Variants in FUT8 observed in about 807,000 individuals in gnomAD.
FUT8 encodes the protein alpha-(1,6)-fucosyltransferase.
FUT8 carries 29 observed loss-of-function variants against 71.3 expected under a neutral mutation model. That is an observed-to-expected ratio of 0.41 (90% confidence interval 0.30 to 0.55). The LOEUF (loss-of-function observed/expected upper bound fraction) is 0.55. Among genes scored for constraint, FUT8 ranks in the 20% least tolerant of loss-of-function variants. The pLI is 0.34. For missense variants in FUT8, 544 were observed against 702.1 expected (o/e 0.77, Z 2.55); for synonymous variants, 254 against 239.3 (o/e 1.06, Z -0.57).
chr14:65,383,894 A>G, the FUT8 span, among the ~76,000 whole-genome samples: 3 of 151,244 alleles, frequency 2.0e-5, no homozygotes, highest in Non-Finnish European at 4.4e-5. Flanking sequence ...CAAAGGTCCC[A>G]TGGGATGAAA....
chr14:65,733,451 G>A, intron 10 of FUT8, 70 bp downstream of exon 10: 2 of 1,126,682 alleles, frequency 1.8e-6, no homozygotes, highest in South Asian at 1.9e-5. Flanking sequence ...AAAATTATTT[G>A]TGTGTCTATG....
chr14:65,505,214 TTTTA>T (rs1448964907), intron 2 of FUT8, among the ~76,000 whole-genome samples: 9 of 152,270 alleles, frequency 5.9e-5, no homozygotes, highest in Admixed American at 2.6e-4. Flanking sequence ...TTCCTGATGT[TTTTA>T]TTTCTTTATC....
Position 65,470,340 on chromosome 14 carries a change from TG to T in FUT8, c.-228+14626del, listed in dbSNP as rs1309350671. Among the ~76,000 whole-genome samples, 6 of 152,220 alleles carry T rather than the reference TG, an allele frequency of 3.9e-5. 1 individual carries two copies. In the South Asian group the frequency reaches 1.2e-3, roughly 32 times the overall value. ...CCTGACTTGGGTAGCTGCAGCTGTA[TG>T]GGGTTGGGGGACAGGGCTCCTGCCT... On this transcript the variant is annotated intron_variant, in intron 2 of 10. Coordinates refer to ENST00000673929, the MANE Select transcript of FUT8 (RefSeq NM_001371533.1).
At chr14:65,589,277 A>G (rs1887552970) in intron 3 of FUT8, among the ~76,000 whole-genome samples, 1 of 152,152 alleles carries the variant, frequency 6.6e-6, no homozygotes, top group East Asian at 1.9e-4. Flanking sequence ...CAATAGCATT[A>G]TTTAATGAAA....
At chr14:65,612,191 G>A (rs1889036241) in intron 3 of FUT8, among the ~76,000 whole-genome samples, 2 of 152,108 alleles carry the variant, frequency 1.3e-5, no homozygotes, top group South Asian at 4.1e-4. Context: ...TTTGTTACTA[G>A]AAGGTCTTGT....
chr14:65,412,665 T>C (rs1468431831), upstream of FUT8: 9 of 196,024 alleles, frequency 4.6e-5, no homozygotes, highest in Non-Finnish European at 7.4e-5. Context: ...TCGCCGTAGG[T>C]GGCAGCGGCC....
chr14:65,552,194 T>C (rs1330074154), intron 2 of FUT8, among the ~76,000 whole-genome samples: 1 of 152,154 alleles, frequency 6.6e-6, no homozygotes, highest in Non-Finnish European at 1.5e-5. Context: ...TTCTGTTGAG[T>C]CACTCAGAAT....
At chr14:65,525,881 C>A (rs1165758773) in intron 2 of FUT8, among the ~76,000 whole-genome samples, 1 of 152,022 alleles carries the variant, frequency 6.6e-6, no homozygotes, top group Non-Finnish European at 1.5e-5. Context: ...TTTGAGTGAG[C>A]TTCTTAATCC....
At chr14:65,528,540 G>C (rs1883686437) in intron 2 of FUT8, among the ~76,000 whole-genome samples, 1 of 152,158 alleles carries the variant, frequency 6.6e-6, no homozygotes, top group African/African-American at 2.4e-5. Flanking sequence ...ACGCTTGGTG[G>C]GCTGCACCCA....
At chr14:65,569,208 C>T (rs536491065) in intron 3 of FUT8, among the ~76,000 whole-genome samples, 1 of 151,600 alleles carries the variant, frequency 6.6e-6, no homozygotes, top group Non-Finnish European at 1.5e-5. Context: ...TTTTATTCAG[C>T]TTGAAGTTCA....
intron 1 of FUT8, among the ~76,000 whole-genome samples, chr14:65,417,494 G>T (rs7145500): frequency 6.6e-6 from 1 of 151,930 alleles, no homozygotes; most frequent in Non-Finnish European, 1.5e-5. Context: ...TCCTTTTAAC[G>T]GAGGAAGAGC....
intron 10 of FUT8, among the ~76,000 whole-genome samples, chr14:65,739,444 T>C (rs75429450): frequency 1.9e-4 from 29 of 152,188 alleles, no homozygotes; most frequent in Non-Finnish European, 3.5e-4. Context: ...TAGCAAAACA[T>C]ACACTAATTA....
chr14:65,487,638 C>T lies in FUT8; in HGVS notation c.-228+31920C>T, dbSNP rs1055812141. ...TTTTTTTGTCATTGGCTCTTGCGGC[C>T]TTTCTTCTTGTCTCCCCCAGTTCCA... On this transcript the variant is annotated intron_variant, in intron 2 of 10. Coordinates refer to ENST00000673929, the MANE Select transcript of FUT8 (RefSeq NM_001371533.1). 3.3e-5 allele frequency among the ~76,000 whole-genome samples: 5 copies of T among 151,586 alleles called. No homozygotes were observed. The East Asian group carries it at 5.8e-4, about 18-fold the overall frequency.
chr14:65,503,911 C>A (rs1007190596), intron 2 of FUT8, among the ~76,000 whole-genome samples: 1 of 152,164 alleles, frequency 6.6e-6, no homozygotes, highest in East Asian at 1.9e-4. Flanking sequence ...CATATGGAGA[C>A]CTTTGCGTGA....
chr14:65,358,388 T>A, the FUT8 span, among the ~76,000 whole-genome samples: 1 of 152,224 alleles, frequency 6.6e-6, no homozygotes, highest in African/African-American at 2.4e-5. Context: ...AAACACTTTT[T>A]AATAACAATT....
chr14:65,570,421 G>A (rs1305374092), intron 3 of FUT8, among the ~76,000 whole-genome samples: 2 of 151,500 alleles, frequency 1.3e-5, no homozygotes, highest in African/African-American at 4.8e-5. Flanking sequence ...TTTTTTCTGG[G>A]AGTGGTGGGG....
chr14:65,467,638 A>C lies in FUT8; in HGVS notation c.-228+11920A>C, dbSNP rs1472216453. On this transcript the variant is annotated intron_variant, in intron 2 of 10. Coordinates refer to ENST00000673929, the MANE Select transcript of FUT8 (RefSeq NM_001371533.1). The surrounding 1 kb of genome is among the most constrained non-coding windows in gnomAD (Gnocchi z 4.1). Reference sequence around the variant, plus strand: ...ATTAGAGGCGCCCATCACCACGCCCAGCTAATTTTTTGTATTTTTAGTAGA... The same window carrying C: ...ATTAGAGGCGCCCATCACCACGCCCCGCTAATTTTTTGTATTTTTAGTAGA... 6.6e-5 allele frequency among the ~76,000 whole-genome samples: 10 copies of C among 151,940 alleles called. No homozygotes were observed. Among genetic ancestry groups the C allele is most frequent in the Non-Finnish European group, 1.5e-4 (10 of 67,958 alleles).
chr14:65,672,229 A>G (rs1892506731), intron 7 of FUT8, among the ~76,000 whole-genome samples: 1 of 152,160 alleles, frequency 6.6e-6, no homozygotes, highest in Non-Finnish European at 1.5e-5. Context: ...TAATCAAAAT[A>G]TTTCCCATCA....
chr14:65,390,464 C>T, the FUT8 span, among the ~76,000 whole-genome samples: 1 of 151,762 alleles, frequency 6.6e-6, no homozygotes, highest in Non-Finnish European at 1.5e-5. Flanking sequence ...TGCCTTTTTA[C>T]ATAACTTTTG....
Sources: gnomAD v4.1 joint callset for allele counts (sites outside exome capture counted in the v4.1 genomes callset) on GRCh38, gnomAD v4.1.1 for gene constraint, Gnocchi (gnomAD v3.1) non-coding constraint, MANE v1.5 for transcripts, NCBI Gene and HGNC (gene_info 2026-07-23, HGNC 2026-07-21) for gene names.